The following LUZP2 variants were observed in gnomAD, a reference collection of about 807,000 sequenced individuals.
LUZP2 encodes leucine zipper protein 2.
LUZP2 carries 52 observed loss-of-function variants against 51.6 expected under a neutral mutation model. The observed-to-expected ratio is 1.01, with a 90% CI of 0.81 to 1.27. The LOEUF (loss-of-function observed/expected upper bound fraction) is 1.27, where lower values mean the gene tolerates loss of function less well. Ranked by LOEUF, LUZP2 falls within the 50% of genes most tolerant of loss-of-function variation. LUZP2 has a pLI of 0.00. For synonymous variants in LUZP2, 154 were observed against 137.3 expected (o/e 1.12, Z -0.85); for missense variants, 436 against 395.4 (o/e 1.10, Z -0.87).
intron 6 of LUZP2, among the ~76,000 whole-genome samples, chr11:24,911,470 C>T (rs184590495): frequency 1.3e-5 from 2 of 152,120 alleles, no homozygotes; most frequent in African/African-American, 4.8e-5. Flanking sequence ...TTCTCCCATG[C>T]TGTTCACTTG....
chr11:24,595,585 T>C (rs185069934), intron 1 of LUZP2, among the ~76,000 whole-genome samples: 22 of 152,304 alleles, frequency 1.4e-4, no homozygotes, highest in African/African-American at 5.3e-4. Flanking sequence ...CATTGAGATA[T>C]TTAACTTCAA....
chr11:24,899,612 T>C (rs1323084088), intron 5 of LUZP2, among the ~76,000 whole-genome samples: 1 of 152,096 alleles, frequency 6.6e-6, no homozygotes, highest in Non-Finnish European at 1.5e-5. Flanking sequence ...AATATGAAAA[T>C]ATATGCTATG....
intron 7 of LUZP2, among the ~76,000 whole-genome samples, chr11:24,964,941 A>G (rs1441399945): frequency 6.6e-6 from 1 of 151,878 alleles, no homozygotes; most frequent in Non-Finnish European, 1.5e-5. Context: ...TTAATGATAG[A>G]GTAAGTAAAA....
chr11:24,727,488 A>G (rs561565580), intron 1 of LUZP2, among the ~76,000 whole-genome samples: 1 of 152,206 alleles, frequency 6.6e-6, no homozygotes, highest in South Asian at 2.1e-4. Context: ...TTAACCCTAT[A>G]TATAATATGA....
intron 5 of LUZP2, among the ~76,000 whole-genome samples, chr11:24,790,693 G>T (rs1436065021): frequency 6.6e-6 from 1 of 151,932 alleles, no homozygotes; most frequent in Non-Finnish European, 1.5e-5. Context: ...GTAGAGTCGG[G>T]GTTTCACCGT....
intron 5 of LUZP2, among the ~76,000 whole-genome samples, chr11:24,824,765 T>G (rs554897770): frequency 1.1e-4 from 16 of 152,292 alleles, no homozygotes; most frequent in Admixed American, 9.1e-4. Context: ...GATATTTTAA[T>G]GTGTGAGTTA....
chr11:25,038,173 T>A (rs918897772), intron 9 of LUZP2, among the ~76,000 whole-genome samples: 1 of 152,140 alleles, frequency 6.6e-6, no homozygotes, highest in African/African-American at 2.4e-5. Flanking sequence ...CTTTACATAA[T>A]CTCATATTTC....
chr11:24,716,904 T>A (rs1312192564), intron 1 of LUZP2, among the ~76,000 whole-genome samples: 3 of 151,794 alleles, frequency 2.0e-5, no homozygotes, highest in Non-Finnish European at 4.4e-5. Flanking sequence ...TCAAAAAAAT[T>A]TTTTTAATAT....
intron 5 of LUZP2, among the ~76,000 whole-genome samples, chr11:24,804,809 T>C (rs1849804975): frequency 6.6e-6 from 1 of 152,144 alleles, no homozygotes; most frequent in African/African-American, 2.4e-5. Context: ...TGGTGTAGCA[T>C]GTTCTGAATC....
At chr11:24,806,296 AGTTGATG>A in intron 5 of LUZP2, among the ~76,000 whole-genome samples, 2 of 152,328 alleles carry the variant, frequency 1.3e-5, no homozygotes, top group South Asian at 4.1e-4. Context: ...TCAGTTGTTA[AGTTGATG>A]GTAGCTTGAA....
intron 7 of LUZP2, among the ~76,000 whole-genome samples, chr11:24,968,959 C>T (rs569335384): frequency 8.5e-5 from 13 of 152,312 alleles, no homozygotes; most frequent in African/African-American, 3.1e-4. Context: ...ATATTGATTA[C>T]CCTGTCATCT....
chr11:24,519,547 C>A (rs763549584), intron 1 of LUZP2, among the ~76,000 whole-genome samples: 3 of 152,140 alleles, frequency 2.0e-5, no homozygotes, highest in Non-Finnish European at 2.9e-5. Context: ...AAGAGCAGAC[C>A]TACTATGTCT....
At chr11:24,497,432 C>T (rs1564952780) in intron 1 of LUZP2, 127 bp downstream of exon 1, 1 of 556,908 alleles carries the variant, frequency 1.8e-6, no homozygotes. Flanking sequence ...GCAAGAGGGA[C>T]GCTGTATGGT....
At chr11:24,991,137 GA>G (rs980938204) in intron 9 of LUZP2, among the ~76,000 whole-genome samples, 2 of 151,632 alleles carry the variant, frequency 1.3e-5, no homozygotes. Flanking sequence ...CTTTCCACCT[GA>G]GTCCCCAAAG....
chr11:24,630,205 C>T (rs566927850), intron 1 of LUZP2, among the ~76,000 whole-genome samples: 14 of 151,926 alleles, frequency 9.2e-5, no homozygotes, highest in Admixed American at 8.5e-4. Context: ...TTAAGTCTCA[C>T]TTATCTATTT....
At chr11:25,007,427 A>G (rs1856863371) in intron 9 of LUZP2, among the ~76,000 whole-genome samples, 1 of 152,054 alleles carries the variant, frequency 6.6e-6, no homozygotes, top group East Asian at 1.9e-4. Context: ...ACATGGTGAA[A>G]CCCCATCTCT....
intron 1 of LUZP2, among the ~76,000 whole-genome samples, chr11:24,674,626 T>A (rs922738059): frequency 1.3e-5 from 2 of 152,184 alleles, no homozygotes; most frequent in African/African-American, 4.8e-5. Flanking sequence ...GAAGGTCACA[T>A]GCTTATATGC....
chr11:24,845,235 A>G (rs1430636904), intron 5 of LUZP2, among the ~76,000 whole-genome samples: 1 of 152,220 alleles, frequency 6.6e-6, no homozygotes, highest in African/African-American at 2.4e-5. Context: ...TGATCTGGAT[A>G]TGAGACATGA....
chr11:24,728,422 T>C (rs1858575994), intron 1 of LUZP2, among the ~76,000 whole-genome samples: 1 of 152,074 alleles, frequency 6.6e-6, no homozygotes, highest in South Asian at 2.1e-4. Context: ...GCTTCTGCTC[T>C]AGTTAGGCCA....
Sources: allele counts gnomAD v4.1 joint callset (sites outside exome capture counted in the v4.1 genomes callset), GRCh38; gene constraint gnomAD v4.1.1; transcripts MANE v1.5; gene names NCBI Gene and HGNC (gene_info 2026-07-23, HGNC 2026-07-21).